The following DPF3 variants were observed in gnomAD, a reference collection of about 807,000 sequenced individuals.
The protein encoded by DPF3 is zinc finger protein DPF3.
DPF3 carries 18 observed loss-of-function variants against 56.8 expected under a neutral mutation model. The observed-to-expected ratio is 0.32, with a 90% CI of 0.22 to 0.47. DPF3 has a LOEUF of 0.47. DPF3 is among the 20% of genes least tolerant of loss of function. The probability of loss-of-function intolerance (pLI) is 1.00; values close to 1 mark genes in which losing one functional copy is unlikely to be tolerated. For synonymous variants in DPF3, 188 were observed against 180.2 expected, an observed-to-expected ratio of 1.04 and a Z score of -0.35; for missense variants, 403 against 488.8, an observed-to-expected ratio of 0.82 and a Z score of 1.65.
At chr14:72,866,881 T>C (rs1386881479) in intron 1 of DPF3, among the ~76,000 whole-genome samples, 1 of 149,540 alleles carries the variant, frequency 6.7e-6, no homozygotes, top group African/African-American at 2.4e-5. Context: ...CGACTCGGCC[T>C]CCCAAAGTGC....
intron 9 of DPF3, among the ~76,000 whole-genome samples, chr14:72,626,641 A>T (rs1884847041): frequency 6.6e-6 from 1 of 152,140 alleles, no homozygotes; most frequent in Non-Finnish European, 1.5e-5. Context: ...ATGCTACCAC[A>T]AATAACCTTA....
At chr14:72,849,324 C>T (rs1884880811) in intron 1 of DPF3, among the ~76,000 whole-genome samples, 1 of 152,188 alleles carries the variant, frequency 6.6e-6, no homozygotes, top group South Asian at 2.1e-4. Context: ...CACACACCCA[C>T]CAGGAGACAT....
At chr14:72,796,319 T>C (rs1414534341) in intron 1 of DPF3, among the ~76,000 whole-genome samples, 1 of 152,116 alleles carries the variant, frequency 6.6e-6, no homozygotes, top group African/African-American at 2.4e-5. Flanking sequence ...CTGGACAACA[T>C]GGCAGAACCC....
At chr14:72,628,212 A>C (rs1281578683) in intron 9 of DPF3, among the ~76,000 whole-genome samples, 1 of 152,110 alleles carries the variant, frequency 6.6e-6, no homozygotes, top group Non-Finnish European at 1.5e-5. Flanking sequence ...AATTGTGCCT[A>C]GTGTTTTCCT....
intron 1 of DPF3, among the ~76,000 whole-genome samples, chr14:72,843,484 T>C (rs898111625): frequency 2.0e-5 from 3 of 152,242 alleles, no homozygotes; most frequent in Non-Finnish European, 4.4e-5. Flanking sequence ...GCTCTGGCAC[T>C]GAAGGCCAAC....
At position 72,699,128 on chromosome 14, in the gene DPF3, T is replaced by C. The variant is rs528143190; in HGVS notation, c.605-5915A>G. On this transcript the variant is annotated intron_variant, in intron 6 of 10. Transcript: ENST00000556509. Reference sequence around the variant, plus strand: ...ATGGGGAAAAGTGTCAGGAAGAGACTGTGGAGAGAGAAAAGAGGTGCCTAC... The same window carrying C: ...ATGGGGAAAAGTGTCAGGAAGAGACCGTGGAGAGAGAAAAGAGGTGCCTAC... 3.3e-5 allele frequency among the ~76,000 whole-genome samples: 5 copies of C among 152,160 alleles called. No individual in the cohort carries two copies. The East Asian group carries it at 9.7e-4, about 29-fold the overall frequency.
intron 4 of DPF3, among the ~76,000 whole-genome samples, chr14:72,726,683 C>T (rs912034410): frequency 1.5e-4 from 23 of 152,210 alleles, no homozygotes; most frequent in Middle Eastern, 6.8e-3. Flanking sequence ...GAGTCGCCGA[C>T]GGGGGTGGGG....
At chr14:72,861,345 T>C (rs1442770724) in intron 1 of DPF3, among the ~76,000 whole-genome samples, 2 of 152,220 alleles carry the variant, frequency 1.3e-5, no homozygotes, top group African/African-American at 4.8e-5. Context: ...ATAATTGTCT[T>C]ATTTAATTCA....
chr14:72,796,628 C>T (rs988449713), intron 1 of DPF3, among the ~76,000 whole-genome samples: 11 of 152,190 alleles, frequency 7.2e-5, no homozygotes, highest in African/African-American at 2.7e-4. Context: ...GTCTCAGACA[C>T]TACAATAAAC....
chr14:72,790,251 A>C (rs1892374029), intron 1 of DPF3, among the ~76,000 whole-genome samples: 1 of 152,174 alleles, frequency 6.6e-6, no homozygotes, highest in Non-Finnish European at 1.5e-5. Flanking sequence ...AAAAATAATT[A>C]ATTAATGTAT....
intron 1 of DPF3, among the ~76,000 whole-genome samples, chr14:72,781,962 G>C (rs1320132441): frequency 6.6e-6 from 1 of 152,120 alleles, no homozygotes; most frequent in African/African-American, 2.4e-5. Flanking sequence ...AATATTTTTA[G>C]TTTCCTGGTC....
intron 1 of DPF3, among the ~76,000 whole-genome samples, chr14:72,884,931 C>G (rs1446639685): frequency 8.0e-5 from 2 of 24,970 alleles, no homozygotes; most frequent in Non-Finnish European, 2.7e-4. Context: ...CCCGTCTCTA[C>G]TAAAAATACT....
chr14:72,867,538 C>G (rs918577567), intron 1 of DPF3, among the ~76,000 whole-genome samples: 2 of 152,202 alleles, frequency 1.3e-5, no homozygotes, highest in African/African-American at 4.8e-5. Flanking sequence ...CTGAAAGCTT[C>G]TCTGTTCCCT....
At chr14:72,669,330 C>T (rs1886570221) in intron 8 of DPF3, among the ~76,000 whole-genome samples, 1 of 152,218 alleles carries the variant, frequency 6.6e-6, no homozygotes, top group African/African-American at 2.4e-5. Flanking sequence ...GGTCTCCCAA[C>T]CCATGTCAAA....
intron 2 of DPF3, among the ~76,000 whole-genome samples, chr14:72,755,059 G>A (rs1599412126): frequency 6.6e-6 from 1 of 152,186 alleles, no homozygotes. Flanking sequence ...AGAAGTGGAG[G>A]CCCAGGCCTG....
intron 8 of DPF3, among the ~76,000 whole-genome samples, chr14:72,641,586 G>A (rs1019328292): frequency 4.6e-5 from 7 of 152,204 alleles, no homozygotes; most frequent in Non-Finnish European, 8.8e-5. Context: ...TGATCAAGTG[G>A]CAGTGATGAA....
intron 1 of DPF3, chr14:72,836,060 G>A: frequency 1.0e-6 from 1 of 985,442 alleles, no homozygotes; most frequent in Non-Finnish European, 1.2e-6. Context: ...AGACACAAGT[G>A]GCTTTGAAAT....
Position 72,725,020 on chromosome 14 carries a change from T to A in DPF3, c.430-1292A>T, listed in dbSNP as rs543875960. Among the ~76,000 whole-genome samples, 5 of 152,158 alleles carry A rather than the reference T, an allele frequency of 3.3e-5. No individual in the cohort carries two copies. In the South Asian group the frequency reaches 1.0e-3, roughly 32 times the overall value. On this transcript the variant is annotated intron_variant, in intron 4 of 10. Transcript: ENST00000556509. ...AGATGAGCTACCACACCTGGCCACC[T>A]GGGGGTTTCTTTATGGGCTCACTGT...
chr14:72,663,231 A>T (rs1428206897), intron 8 of DPF3, among the ~76,000 whole-genome samples: 1 of 150,864 alleles, frequency 6.6e-6, no homozygotes, highest in Non-Finnish European at 1.5e-5. Flanking sequence ...TTCACAGTTA[A>T]AACACCCCAG....
Sources: allele counts gnomAD v4.1 joint callset (sites outside exome capture counted in the v4.1 genomes callset), GRCh38; gene constraint gnomAD v4.1.1; transcripts MANE v1.5; gene names NCBI Gene and HGNC (gene_info 2026-07-23, HGNC 2026-07-21).